The following HOXB5 variants were observed in gnomAD, a reference collection of about 807,000 sequenced individuals.
The protein encoded by HOXB5 is homeobox protein Hox-B5.
A neutral mutation model predicts 19.6 loss-of-function variants in HOXB5; 10 were observed. That is an observed-to-expected ratio of 0.51 (90% CI 0.32 to 0.87). HOXB5 has a LOEUF of 0.87. HOXB5 is among the 40% of genes least tolerant of loss of function. The probability of loss-of-function intolerance (pLI) is 0.04; values close to 1 mark genes in which losing one functional copy is unlikely to be tolerated. For synonymous variants in HOXB5, 167 were observed against 156.9 expected, an observed-to-expected ratio of 1.06 and a Z score of -0.48; for missense variants, 353 against 369.6, an observed-to-expected ratio of 0.96 and a Z score of 0.37.
rs1453457823 is a variant in HOXB5, at chr17:48,593,175, C to T, written c.508G>A (p.Glu170Lys). The change falls in exon 1 of 2, where the codon GAG (glutamate) becomes AAG (lysine). Residue 170 changes from glutamate to lysine, a missense_variant. Coordinates refer to ENST00000239151, the MANE Select transcript of HOXB5 (RefSeq NM_002147.4). ...GGGAATATTTGCGGAGTCTGCCCCT[C>T]GGGCGCGGCTGTGGAGGTGGCCATG... ...EPMATSTAAP[E>K]GQTPQIFPWM... The T allele has an allele frequency of 1.3e-6, 2 of 1,593,370 alleles. No individual in the cohort carries two copies. Among genetic ancestry groups the T allele is most frequent in the Non-Finnish European group, 1.7e-6 (2 of 1,166,770 alleles).
In HOXB5 at chr17:48,592,157, C is replaced by T; in HGVS notation, c.*52G>A. The T allele has an allele frequency of 1.3e-6, 2 of 1,586,974 alleles. No homozygotes were observed. Among genetic ancestry groups the T allele is most frequent in the Non-Finnish European group, 1.7e-6 (2 of 1,166,346 alleles). Reference sequence around the variant, plus strand: ...GCAGAGCGGGGAGGATTGGAGGGGCCAGGGCTGGGGGTGGCACGGGCTCTT... The same window carrying T: ...GCAGAGCGGGGAGGATTGGAGGGGCTAGGGCTGGGGGTGGCACGGGCTCTT... On this transcript the variant is annotated 3_prime_UTR_variant, in exon 2 of 2. Transcript: ENST00000239151.
In HOXB5 at chr17:48,593,382, G is replaced by C. The variant is rs1367795525; in HGVS notation, c.301C>G (p.Pro101Ala). The change falls in exon 1 of 2, where the codon CCC becomes GCC. Residue 101 changes from proline to alanine, a missense_variant. Coordinates refer to ENST00000239151, the MANE Select transcript of HOXB5 (RefSeq NM_002147.4). The stretch of plus-strand genomic sequence containing the variant: ...CCGTGGCTGTCGCCGTTGGTGCAGG[G>C]CAGGGACTCGGGCGAGGACAGGGAG... ...SCSLSSPESL[P>A]CTNGDSHGAK... The C allele has an allele frequency of 1.2e-6, 2 of 1,603,200 alleles. No homozygotes were observed. The highest frequency in any genetic ancestry group is 3.4e-5 in the Admixed American group (2 of 59,546).
rs745671953 is a variant in HOXB5, at chr17:48,593,548, G to A, written c.135C>T (p.Tyr45=). The A allele has an allele frequency of 5.0e-6, 8 of 1,613,154 alleles. No individual in the cohort carries two copies. In the East Asian group the frequency reaches 1.8e-4, roughly 36 times the overall value. The change falls in exon 1 of 2, where the codon TAC becomes TAT. Residue 45 remains tyrosine (Y), a synonymous_variant. Coordinates refer to ENST00000239151, the MANE Select transcript of HOXB5 (RefSeq NM_002147.4). ...RDPAAMHTGS[Y]GYNYNGMDLS... ...GGTCCATCCCATTGTAATTGTAGCCGTAAGAGCCGGTGTGCATGGCAGCGG... is the reference window on the plus strand; with the variant it reads ...GGTCCATCCCATTGTAATTGTAGCCATAAGAGCCGGTGTGCATGGCAGCGG...
chr17:48,593,262 C>T lies in HOXB5; in HGVS notation c.421G>A (p.Glu141Lys). The change falls in exon 1 of 2, where the codon GAG becomes AAG. Residue 141 changes from glutamate to lysine, a missense_variant. Glu to Lys is a moderately conservative substitution (Grantham distance 56, BLOSUM62 1). Coordinates refer to ENST00000239151, the MANE Select transcript of HOXB5 (RefSeq NM_002147.4). ...AGCTGGCTTGCCGCTTCCTCAGGCT[C>T]CGAGGACGCGCTGGCCTCGTCTATT... Reference protein sequence around the residue: ...TEIDEASASSEPEEAASQLSS... With the variant: ...TEIDEASASSKPEEAASQLSS... 2 of 1,613,802 alleles carry T rather than the reference C, an allele frequency of 1.2e-6. No individual in the cohort carries two copies. The highest frequency in any genetic ancestry group is 1.7e-6 in the Non-Finnish European group (2 of 1,179,742).
At position 48,592,302 on chromosome 17, in the gene HOXB5, C is replaced by G; in HGVS notation, c.717G>C (p.Lys239Asn). ...TCATGCGCCGGTTCTGGAACCAGAT[C>G]TTGATCTGGCGCTCGGACAGGCAGA... ...HALCLSERQI[K>N]IWFQNRRMKW... is the part of the protein sequence containing the mutation. The change falls in exon 2 of 2, where the codon AAG (lysine) becomes AAC (asparagine). Residue 239 changes from lysine to asparagine, a missense_variant. Physicochemically the swap from Lys to Asn is moderately conservative, Grantham distance 94. Coordinates refer to ENST00000239151, the MANE Select transcript of HOXB5 (RefSeq NM_002147.4). The G allele has an allele frequency of 1.9e-6, 3 of 1,614,116 alleles. No homozygotes were observed. The highest frequency in any genetic ancestry group is 1.7e-6 in the Non-Finnish European group (2 of 1,180,018).
rs1216711832 is a variant in HOXB5 at position 48,591,322 on chromosome 17, T to A, written c.*887A>T. Reference sequence around the variant, plus strand: ...CAAACAAATACCAAAAGCGAATCACTGAGACAGGCCCCGCAAAGACAGATT... The same window carrying A: ...CAAACAAATACCAAAAGCGAATCACAGAGACAGGCCCCGCAAAGACAGATT... On this transcript the variant is annotated 3_prime_UTR_variant, in exon 2 of 2. Transcript: ENST00000239151. 1.3e-5 allele frequency: 2 copies of A among 152,618 alleles called. No homozygotes were observed. The highest frequency in any genetic ancestry group is 6.5e-5 in the Admixed American group (1 of 15,284). The allele number at this position is 152,618 out of a possible 1,614,324, so 9.5% of individuals were successfully genotyped here.
intron 1 of HOXB5, 112 bp downstream of exon 1, chr17:48,593,009 T>C: frequency 1.2e-6 from 1 of 812,858 alleles, no homozygotes; most frequent in Non-Finnish European, 1.9e-6. Context: ...TTCTCCCCCT[T>C]AGAAAAATGA....
Position 48,593,104 on chromosome 17 carries a change from A to AAG in HOXB5, c.562+15_562+16dup, listed in dbSNP as rs747775208. 4.8e-6 allele frequency: 7 copies of AAG among 1,457,834 alleles called. No individual in the cohort carries two copies. Among genetic ancestry groups the AAG allele is most frequent in the Non-Finnish European group, 6.4e-6 (7 of 1,089,648 alleles). 90.3% of individuals were successfully genotyped at this position (1,457,834 alleles called of 1,614,324 possible). A position where few individuals can be genotyped will look rare whatever the true frequency, so the allele number is the denominator to read the frequency against. ...GAGAAGGAAAGCCGAGAAGACAAAA[A>AAG]AGAGAGAGAGAATTACCATGGCTGA... On this transcript the variant is annotated intron_variant, in intron 1 of 1. Transcript: ENST00000239151.
intron 1 of HOXB5, 144 bp downstream of exon 1, chr17:48,592,977 C>T (rs1423202077): frequency 3.4e-6 from 2 of 583,156 alleles, no homozygotes; most frequent in Non-Finnish European, 5.7e-6. Context: ...GTCTACGAAG[C>T]TATGAGGCCC....
chr17:48,593,631 C>T lies in HOXB5; in HGVS notation c.52G>A (p.Asp18Asn). 1 of 1,612,944 alleles carries T rather than the reference C, an allele frequency of 6.2e-7. No homozygotes were observed. The highest frequency in any genetic ancestry group is 8.5e-7 in the Non-Finnish European group (1 of 1,179,924). Residue 18 changes from aspartate (D) to asparagine (N), a missense_variant, in exon 1 of 2, where the codon GAC (aspartate) becomes AAC (asparagine). Transcript: ENST00000239151. ...CTGCCATAATTTAGCAACTGATAGT[C>T]CGGGCCATTTGGATAACGCCCCGAG... ...SFSGRYPNGPDYQLLNYGSGS... is the reference protein window; with the variant it reads ...SFSGRYPNGPNYQLLNYGSGS...
chr17:48,593,082 A>ACC, intron 1 of HOXB5, 39 bp downstream of exon 1: 1 of 749,402 alleles, frequency 1.3e-6, no homozygotes, highest in Non-Finnish European at 2.0e-6. Context: ...AAACGCAGAG[A>ACC]AGGAAAGCCG....
chr17:48,592,105 G>A lies in HOXB5; in HGVS notation c.*104C>T. 1 of 1,355,156 alleles carries A rather than the reference G, an allele frequency of 7.4e-7. No individual in the cohort carries two copies. The highest frequency in any genetic ancestry group is 1.4e-5 in the South Asian group (1 of 72,628). The allele number at this position is 1,355,156 out of a possible 1,614,324, so 83.9% of individuals were successfully genotyped here. A position where few individuals can be genotyped will look rare whatever the true frequency, so the allele number is the denominator to read the frequency against. On this transcript the variant is annotated 3_prime_UTR_variant, in exon 2 of 2. Coordinates refer to ENST00000239151, the MANE Select transcript of HOXB5 (RefSeq NM_002147.4). ...TCGTAACACAAGGCGAGGCAGGCTT[G>A]TGGGAACCGGTCCCCAGCGGGCGGC... is the stretch of plus-strand genomic sequence containing the variant.
At chr17:48,592,687 T>C (rs2070181548) in intron 1 of HOXB5, among the ~76,000 whole-genome samples, 12 of 152,206 alleles carry the variant, frequency 7.9e-5, no homozygotes, top group Admixed American at 7.8e-4. Flanking sequence ...TCTTGCTCGC[T>C]CCTAGTGCCT....
rs2070194210 is a variant in HOXB5 at position 48,593,229 on chromosome 17, G to T, written c.454C>A (p.Pro152Thr). Residue 152 changes from proline (P) to threonine (T), a missense_variant, in exon 1 of 2, where the codon CCC (proline) becomes ACC (threonine). Pro to Thr is a conservative substitution (Grantham distance 38). Coordinates refer to ENST00000239151, the MANE Select transcript of HOXB5 (RefSeq NM_002147.4). ...TCTGGCTGCGCCCGAGCTAGGCTGG[G>T]GCTGCTTAGCTGGCTTGCCGCTTCC... ...PEEAASQLSS[P>T]SLARAQPEPM... 3 of 1,613,714 alleles carry T rather than the reference G, an allele frequency of 1.9e-6. No individual in the cohort carries two copies. The highest frequency in any genetic ancestry group is 1.7e-4 in the Middle Eastern group (1 of 6,032).
Position 48,592,328 on chromosome 17 carries a change from G to A in HOXB5, c.691C>T (p.Leu231Phe), listed in dbSNP as rs2070171617. The change falls in exon 2 of 2, where the codon CTC becomes TTC. Residue 231 changes from leucine to phenylalanine, a missense_variant. Physicochemically the swap from Leu to Phe is conservative, Grantham distance 22. Coordinates refer to ENST00000239151, the MANE Select transcript of HOXB5 (RefSeq NM_002147.4). ...RRRRIEIAHA[L>F]CLSERQIKIW... ...TTGATCTGGCGCTCGGACAGGCAGA[G>A]TGCGTGGGCGATCTCGATGCGCCGT... The A allele has an allele frequency of 2.5e-6, 4 of 1,614,082 alleles. No individual in the cohort carries two copies. The Admixed American group carries it at 5.0e-5, about 20-fold the overall frequency.
chr17:48,593,063 C>CCCCCCCCAAAA, intron 1 of HOXB5, 58 bp downstream of exon 1: 2 of 466,138 alleles, frequency 4.3e-6, no homozygotes, highest in East Asian at 4.9e-5. Flanking sequence ...TCCCCCCGAT[C>CCCCCCCCAAAA]CCACCCCAAA....
At chr17:48,592,502 A>G (rs1597865330) in intron 1 of HOXB5, 46 bp from the exon 2 acceptor site, 105 of 205,434 alleles carry the variant, frequency 5.1e-4, no homozygotes, top group South Asian at 1.5e-3. Flanking sequence ...ATTCCGGTTA[A>G]GGGAGGGGGC....
In HOXB5 at chr17:48,593,459, GC is replaced by G; in HGVS notation, c.223del (p.Ala75ProfsTer59). ...HFGAVGESSRAFPAPAQEPRF... is the reference protein window; with the variant it reads ...HFGAVGESSRXFPAPAQEPRF... ...GGGCTCCTGGGCGGGCGCGGGGAAG[GC>G]GCGCGAGCTCTCGCCCACCGCCCCA... On this transcript the variant is annotated frameshift_variant, in exon 1 of 2. Transcript: ENST00000239151. LOFTEE classifies it high-confidence loss of function. 1 of 1,611,590 alleles carries G rather than the reference GC, an allele frequency of 6.2e-7. No homozygotes were observed. Among genetic ancestry groups the G allele is most frequent in the Non-Finnish European group, 8.5e-7 (1 of 1,178,556 alleles).
chr17:48,593,093 A>G (rs2070190482), intron 1 of HOXB5, 28 bp downstream of exon 1: 5 of 924,516 alleles, frequency 5.4e-6, no homozygotes, highest in Non-Finnish European at 6.0e-6. Flanking sequence ...AGGAAAGCCG[A>G]GAAGACAAAA....
Sources: allele counts gnomAD v4.1 joint callset (sites outside exome capture counted in the v4.1 genomes callset), GRCh38; gene constraint gnomAD v4.1.1; transcripts MANE v1.5; gene names NCBI Gene and HGNC (gene_info 2026-07-23, HGNC 2026-07-21).